ABTB3: variants seen among roughly 807,000 people sequenced by gnomAD.
The protein encoded by ABTB3 is ankyrin repeat and BTB domain containing 3.
At chr12:107,640,482 T>C in the ABTB3 span, 1 of 1,057,494 alleles carries the variant, frequency 9.5e-7, no homozygotes, top group Non-Finnish European at 1.4e-6. Context: ...TTTTTTGAAG[T>C]TCAATTTTGG....
chr12:107,326,202 G>T, the ABTB3 span, among the ~76,000 whole-genome samples: 1 of 152,224 alleles, frequency 6.6e-6, no homozygotes, highest in Admixed American at 6.5e-5. Context: ...CCCGTGCCTA[G>T]CCTCATCAGC....
chr12:107,596,855 C>T, the ABTB3 span, among the ~76,000 whole-genome samples: 6 of 152,198 alleles, frequency 3.9e-5, no homozygotes, highest in Admixed American at 6.5e-5. Context: ...TAGCTTTCCC[C>T]GTGGCTCTTT....
chr12:107,530,643 T>C, the ABTB3 span, among the ~76,000 whole-genome samples: 1 of 152,254 alleles, frequency 6.6e-6, no homozygotes, highest in African/African-American at 2.4e-5. Flanking sequence ...AATATGAGGA[T>C]TCTTTTTTTG....
chr12:107,349,222 C>T, the ABTB3 span, among the ~76,000 whole-genome samples: 1 of 152,156 alleles, frequency 6.6e-6, no homozygotes, highest in Non-Finnish European at 1.5e-5. Context: ...CCCAGCTGTT[C>T]CTGGCATTGG....
chr12:107,581,277 G>T, the ABTB3 span: 1 of 1,474,636 alleles, frequency 6.8e-7, no homozygotes, highest in African/African-American at 1.5e-5. Context: ...CTGCTGCCCG[G>T]CGTGGACTGC....
At chr12:107,326,504 A>G in the ABTB3 span, among the ~76,000 whole-genome samples, 1 of 152,242 alleles carries the variant, frequency 6.6e-6, no homozygotes, top group African/African-American at 2.4e-5. Flanking sequence ...TTGTGTTCAC[A>G]TATCATTGAC....
chr12:107,541,863 T>C, the ABTB3 span, among the ~76,000 whole-genome samples: 1 of 151,778 alleles, frequency 6.6e-6, no homozygotes, highest in Non-Finnish European at 1.5e-5. Flanking sequence ...TCCTGCGACA[T>C]GCAATTTACT....
At chr12:107,532,904 A>G in the ABTB3 span, among the ~76,000 whole-genome samples, 1 of 152,220 alleles carries the variant, frequency 6.6e-6, no homozygotes, top group Non-Finnish European at 1.5e-5. Flanking sequence ...AAATCCTGCC[A>G]GCCAAGAAGA....
At chr12:107,618,101 C>G in the ABTB3 span, 2 of 1,552,682 alleles carry the variant, frequency 1.3e-6, no homozygotes, top group African/African-American at 2.7e-5. Context: ...CCTGCCCTGC[C>G]CCAGCAGATC....
chr12:107,358,787 G>A, the ABTB3 span, among the ~76,000 whole-genome samples: 1 of 152,196 alleles, frequency 6.6e-6, no homozygotes, highest in South Asian at 2.1e-4. Flanking sequence ...TAGAGATGGA[G>A]TTTCACCATG....
chr12:107,361,970 A>G, the ABTB3 span, among the ~76,000 whole-genome samples: 43 of 152,202 alleles, frequency 2.8e-4, no homozygotes, highest in African/African-American at 9.9e-4. Flanking sequence ...ATGTTAGGAC[A>G]TAGTGAGAAT....
the ABTB3 span, among the ~76,000 whole-genome samples, chr12:107,580,253 C>T: frequency 1.3e-5 from 2 of 152,168 alleles, no homozygotes; most frequent in Non-Finnish European, 2.9e-5. Context: ...AATCAGAATC[C>T]CTGGGACAGG....
At chr12:107,615,107 G>A in the ABTB3 span, 462 of 1,613,898 alleles carry the variant, frequency 2.9e-4, no homozygotes, top group Non-Finnish European at 3.6e-4. Flanking sequence ...CCCGAGACCC[G>A]CCATTGGACG....
the ABTB3 span, among the ~76,000 whole-genome samples, chr12:107,394,723 C>G: frequency 2.0e-5 from 3 of 152,200 alleles, no homozygotes; most frequent in Admixed American, 6.5e-5. Flanking sequence ...AAGTCGATAC[C>G]ATAAAGCATT....
chr12:107,441,564 C>T, the ABTB3 span, among the ~76,000 whole-genome samples: 3 of 151,908 alleles, frequency 2.0e-5, no homozygotes, highest in East Asian at 1.9e-4. Flanking sequence ...CCGTGGCACA[C>T]GTTTACCTGT....
At chr12:107,494,085 A>G in the ABTB3 span, among the ~76,000 whole-genome samples, 3 of 152,198 alleles carry the variant, frequency 2.0e-5, no homozygotes, top group South Asian at 6.2e-4. Flanking sequence ...CTCACTTTAC[A>G]AAAATAGGAA....
the ABTB3 span, among the ~76,000 whole-genome samples, chr12:107,476,665 C>T: frequency 6.6e-6 from 1 of 151,840 alleles, no homozygotes; most frequent in South Asian, 2.1e-4. Context: ...AGAGGCAATG[C>T]TGGAGCTACA....
chr12:107,416,643 C>T, the ABTB3 span, among the ~76,000 whole-genome samples: 1 of 152,098 alleles, frequency 6.6e-6, no homozygotes, highest in Admixed American at 6.6e-5. Context: ...TATTTTCACA[C>T]CATGTCCTCT....
chr12:107,413,639 T>C, the ABTB3 span, among the ~76,000 whole-genome samples: 2 of 152,226 alleles, frequency 1.3e-5, no homozygotes, highest in Non-Finnish European at 2.9e-5. Flanking sequence ...AAAAAAATTG[T>C]CTGGAAGATT....
Sources: gnomAD v4.1 joint callset for allele counts (sites outside exome capture counted in the v4.1 genomes callset) on GRCh38, gnomAD v4.1.1 for gene constraint, MANE v1.5 for transcripts, NCBI Gene and HGNC (gene_info 2026-07-23, HGNC 2026-07-21) for gene names.